The following ENPP3 variants were observed in gnomAD, a reference collection of about 807,000 sequenced individuals.
ENPP3 encodes ectonucleotide pyrophosphatase/phosphodiesterase family member 3.
Under a neutral mutation model 117.8 loss-of-function variants are expected in ENPP3, and 104 were observed. That is an observed-to-expected ratio of 0.88 (90% CI 0.75 to 1.04). ENPP3 has a LOEUF of 1.04. Ranked by LOEUF, ENPP3 falls within the 50% of genes least tolerant of loss-of-function variation. The pLI is 0.00. For synonymous variants in ENPP3, 380 were observed against 349.9 expected (o/e 1.09, Z -0.96); for missense variants, 1,026 against 1,051.9 (o/e 0.98, Z 0.34).
chr6:131,685,604 T>C, intron 13 of ENPP3, 109 bp downstream of exon 13: 1 of 1,040,704 alleles, frequency 9.6e-7, no homozygotes, highest in Non-Finnish European at 1.4e-6. Context: ...TACTGACTTC[T>C]TGAGAAGACC....
intron 15 of ENPP3, among the ~76,000 whole-genome samples, chr6:131,713,738 C>T (rs957864236): frequency 2.0e-5 from 3 of 151,898 alleles, no homozygotes; most frequent in African/African-American, 7.3e-5. Flanking sequence ...CCAATAAACC[C>T]ATCATAAGTT....
chr6:131,657,381 T>C (rs1332914795), intron 5 of ENPP3, among the ~76,000 whole-genome samples: 1 of 152,226 alleles, frequency 6.6e-6, no homozygotes, highest in Non-Finnish European at 1.5e-5. Flanking sequence ...TCTATCATCA[T>C]ACATTCCTGT....
intron 12 of ENPP3, among the ~76,000 whole-genome samples, chr6:131,683,462 C>T (rs1370909822): frequency 6.6e-6 from 1 of 152,136 alleles, no homozygotes; most frequent in African/African-American, 2.4e-5. Flanking sequence ...TGCTTTGGGA[C>T]CTTCTTTCCA....
At position 131,738,071 on chromosome 6, in the gene ENPP3, T is replaced by A; in HGVS notation, c.2208T>A (p.His736Gln). The change falls in exon 23 of 25, where the codon CAT (histidine) becomes CAA (glutamine). Residue 736 changes from histidine (H) to glutamine (Q), a missense_variant. Transcript: ENST00000357639. The stretch of plus-strand genomic sequence containing the variant: ...TCCACAGTGTTCTTCTTATAAAACA[T>A]GCCACAGAAAGAAATGGAGTAAATG... ...DYFHSVLLIK[H>Q]ATERNGVNVV... 6.2e-7 allele frequency: 1 copy of A among 1,606,662 alleles called. No homozygotes were observed. Among genetic ancestry groups the A allele is most frequent in the Non-Finnish European group, 8.5e-7 (1 of 1,174,724 alleles).
At chr6:131,655,142 T>C (rs1165927537) in intron 5 of ENPP3, among the ~76,000 whole-genome samples, 4 of 152,190 alleles carry the variant, frequency 2.6e-5, no homozygotes, top group African/African-American at 9.6e-5. Context: ...TTTTCTATAG[T>C]CACTTGCTTT....
At chr6:131,697,395 C>A (rs541183515) in intron 15 of ENPP3, among the ~76,000 whole-genome samples, 8 of 126,962 alleles carry the variant, frequency 6.3e-5, no homozygotes, top group African/African-American at 2.2e-4. Context: ...GCACCAGGGA[C>A]CGGTTTCATA....
chr6:131,703,571 A>G (rs1779583686), intron 15 of ENPP3, among the ~76,000 whole-genome samples: 1 of 136,174 alleles, frequency 7.3e-6, no homozygotes, highest in Non-Finnish European at 1.5e-5. Context: ...CAAACAAGCA[A>G]TGAAAATGAC....
chr6:131,741,717 G>A (rs1184679054), intron 24 of ENPP3, among the ~76,000 whole-genome samples: 1 of 152,146 alleles, frequency 6.6e-6, no homozygotes, highest in Non-Finnish European at 1.5e-5. Flanking sequence ...GAAAGAGGAA[G>A]GTTGGGAATG....
Position 131,726,131 on chromosome 6 carries a change from G to A in ENPP3, c.1884G>A (p.Arg628=). The A allele has an allele frequency of 6.2e-7, 1 of 1,613,594 alleles. No homozygotes were observed. Among genetic ancestry groups the A allele is most frequent in the Non-Finnish European group, 8.5e-7 (1 of 1,179,522 alleles). The change falls in exon 20 of 25, where the codon AGG becomes AGA. Residue 628 remains arginine (R), a synonymous_variant. Transcript: ENST00000357639. ...KNVDHCLLYH[R]EYVSGFGKAM... is the part of the protein sequence containing the mutation. ...TGGACCACTGTCTCCTTTACCACAGGGAATATGTCAGTGGATTTGGAAAAG... is the reference window on the plus strand; with the variant it reads ...TGGACCACTGTCTCCTTTACCACAGAGAATATGTCAGTGGATTTGGAAAAG...
At chr6:131,731,921 A>T (rs1312214853) in intron 20 of ENPP3, among the ~76,000 whole-genome samples, 1 of 152,128 alleles carries the variant, frequency 6.6e-6, no homozygotes, top group Non-Finnish European at 1.5e-5. Flanking sequence ...TTCTAGCTGG[A>T]GCTTTGTAGT....
intron 15 of ENPP3, chr6:131,710,244 A>T: frequency 6.3e-7 from 1 of 1,599,802 alleles, no homozygotes; most frequent in Non-Finnish European, 8.5e-7. Context: ...TATCATTCAG[A>T]ACTTGTTCTG....
Position 131,733,736 on chromosome 6 carries a change from C to CT in ENPP3, c.2089+19dup, listed in dbSNP as rs767600382. On this transcript the variant is annotated intron_variant, in intron 21 of 24. Transcript: ENST00000357639. ...CTCTATCCTCCTGGTTAGTAGAACTCTTTTTTAGAGCAGTAGCTTAGAAAG... is the reference window on the plus strand; with the variant it reads ...CTCTATCCTCCTGGTTAGTAGAACTCTTTTTTTAGAGCAGTAGCTTAGAAAG... 5.9e-4 allele frequency: 959 copies of CT among 1,612,716 alleles called. 1 individual carries two copies. Among genetic ancestry groups the CT allele is most frequent in the Non-Finnish European group, 7.4e-4 (874 of 1,179,078 alleles).
intron 1 of ENPP3, among the ~76,000 whole-genome samples, chr6:131,640,680 C>T (rs1294634658): frequency 9.2e-5 from 14 of 152,144 alleles, no homozygotes; most frequent in Non-Finnish European, 1.5e-4. Context: ...AATTTGATTA[C>T]GTGTCTTTCT....
At chr6:131,698,400 ATAT>A (rs1410039134) in intron 15 of ENPP3, among the ~76,000 whole-genome samples, 1 of 116,820 alleles carries the variant, frequency 8.6e-6, no homozygotes, top group Non-Finnish European at 1.8e-5. Flanking sequence ...GCTGTCTAAG[ATAT>A]TATCATATTT....
chr6:131,723,329 A>G (rs774338664), intron 18 of ENPP3, among the ~76,000 whole-genome samples: 3 of 152,180 alleles, frequency 2.0e-5, no homozygotes, highest in East Asian at 3.9e-4. Flanking sequence ...AAACTTCTCA[A>G]TGAAGATCAA....
intron 14 of ENPP3, among the ~76,000 whole-genome samples, chr6:131,691,413 A>C (rs1034136263): frequency 1.6e-4 from 24 of 151,986 alleles, no homozygotes; most frequent in Non-Finnish European, 2.8e-4. Context: ...ACATGGTGAA[A>C]TATCTTCTCT....
chr6:131,716,643 A>G (rs1372677417), intron 15 of ENPP3, among the ~76,000 whole-genome samples: 1 of 149,742 alleles, frequency 6.7e-6, no homozygotes, highest in Non-Finnish European at 1.5e-5. Flanking sequence ...ATATCTATGC[A>G]GTAAGAATAA....
At chr6:131,735,326 C>T (rs1189910118) in intron 21 of ENPP3, among the ~76,000 whole-genome samples, 2 of 152,138 alleles carry the variant, frequency 1.3e-5, no homozygotes, top group African/African-American at 4.8e-5. Context: ...GACTTTCCAA[C>T]TTTCAGGGCT....
intron 1 of ENPP3, 43 bp downstream of exon 1, chr6:131,637,505 A>G (rs758961286): frequency 1.7e-6 from 2 of 1,166,226 alleles, no homozygotes; most frequent in Non-Finnish European, 2.5e-6. Context: ...TTTTGTGACA[A>G]ATGTTAAAAG....
Sources: gnomAD v4.1 joint callset for allele counts (sites outside exome capture counted in the v4.1 genomes callset) on GRCh38, gnomAD v4.1.1 for gene constraint, MANE v1.5 for transcripts, NCBI Gene and HGNC (gene_info 2026-07-23, HGNC 2026-07-21) for gene names.